NCAM2: variants seen among roughly 807,000 people sequenced by gnomAD.
NCAM2 encodes the protein N-CAM-2.
In NCAM2, 30 loss-of-function variants were observed where a neutral mutation model predicts 98.1. That is an observed-to-expected ratio of 0.31 (90% confidence interval 0.23 to 0.41). The LOEUF (loss-of-function observed/expected upper bound fraction) is 0.41, where lower values mean the gene tolerates loss of function less well. NCAM2 is among the 10% of genes least tolerant of loss of function. The pLI, the probability that NCAM2 is intolerant of heterozygous loss-of-function variation, is 1.00. For synonymous variants in NCAM2, 368 were observed against 342.4 expected (o/e 1.07, Z -0.83); for missense variants, 867 against 1,005.8 (o/e 0.86, Z 1.87).
At chr21:21,329,661 G>T (rs973597824) in intron 6 of NCAM2, among the ~76,000 whole-genome samples, 1 of 152,042 alleles carries the variant, frequency 6.6e-6, no homozygotes, top group African/African-American at 2.4e-5. Flanking sequence ...AGGGGTCAGG[G>T]CATTACTAGT....
intron 1 of NCAM2, among the ~76,000 whole-genome samples, chr21:21,214,389 A>G (rs1393040438): frequency 2.0e-5 from 3 of 152,044 alleles, no homozygotes; most frequent in Admixed American, 2.0e-4. Context: ...AAATTTTGCA[A>G]AGCTTAGTGA....
chr21:21,373,305 A>T (rs2075962021), intron 8 of NCAM2, among the ~76,000 whole-genome samples: 1 of 151,928 alleles, frequency 6.6e-6, no homozygotes. Flanking sequence ...AAAATTATGT[A>T]GTTCAAATAA....
chr21:21,298,422 T>C (rs556474698), intron 5 of NCAM2, among the ~76,000 whole-genome samples: 1 of 151,694 alleles, frequency 6.6e-6, no homozygotes, highest in South Asian at 2.1e-4. Context: ...CAAACCAGAG[T>C]ATTTTATAGT....
chr21:21,324,989 A>G (rs112887179), intron 6 of NCAM2, among the ~76,000 whole-genome samples: 1,990 of 73,500 alleles, frequency 0.027, 42 homozygotes, highest in African/African-American at 0.078. Flanking sequence ...TTTAAAAATT[A>G]CCTCATCAAA....
At chr21:21,017,759 T>G (rs1428883859) in intron 1 of NCAM2, among the ~76,000 whole-genome samples, 1 of 152,146 alleles carries the variant, frequency 6.6e-6, no homozygotes, top group Non-Finnish European at 1.5e-5. Context: ...GCCAGGCACT[T>G]GCATTAACAC....
At chr21:21,264,618 T>C (rs1294967739) in intron 1 of NCAM2, among the ~76,000 whole-genome samples, 1 of 151,412 alleles carries the variant, frequency 6.6e-6, no homozygotes, top group Admixed American at 6.6e-5. Flanking sequence ...TGTTGGATTA[T>C]ATAAATGAAA....
Position 21,273,888 on chromosome 21 carries a change from G to A in NCAM2, c.56-6690G>A, listed in dbSNP as rs528972353. ...AAAGAATCACTAAGAAGTTTAGGCC[G>A]GGTGCGTTGGCTCATGCCTGTAATC... On this transcript the variant is annotated intron_variant, in intron 1 of 17. Coordinates refer to ENST00000400546, the MANE Select transcript of NCAM2 (RefSeq NM_004540.5). 2.6e-5 allele frequency among the ~76,000 whole-genome samples: 4 copies of A among 152,238 alleles called. No homozygotes were observed. The South Asian group carries it at 6.2e-4, about 24-fold the overall frequency.
intron 12 of NCAM2, among the ~76,000 whole-genome samples, chr21:21,460,881 G>A (rs1468791558): frequency 1.3e-5 from 2 of 151,608 alleles, no homozygotes; most frequent in African/African-American, 2.4e-5. Flanking sequence ...CAGCACAGAA[G>A]AGAGAAGAGC....
chr21:21,487,765 T>C (rs892865095), intron 15 of NCAM2, among the ~76,000 whole-genome samples: 1 of 152,120 alleles, frequency 6.6e-6, no homozygotes, highest in Admixed American at 6.5e-5. Context: ...CTATAATTAC[T>C]CATCAGTTCA....
chr21:21,257,680 T>G (rs2071728088), intron 1 of NCAM2, among the ~76,000 whole-genome samples: 1 of 152,040 alleles, frequency 6.6e-6, no homozygotes, highest in Admixed American at 6.6e-5. Context: ...CCTCCCGGGT[T>G]GAAGCAATTC....
chr21:21,052,232 C>T (rs117563997), intron 1 of NCAM2, among the ~76,000 whole-genome samples: 8,861 of 148,566 alleles, frequency 0.06, 276 homozygotes, highest in East Asian at 0.092. Context: ...GGCAACATCT[C>T]GGCCCACTGC....
intron 1 of NCAM2, among the ~76,000 whole-genome samples, chr21:21,123,351 C>G (rs1046008250): frequency 1.3e-5 from 2 of 151,306 alleles, no homozygotes; most frequent in African/African-American, 4.9e-5. Flanking sequence ...GAGTCAAGAT[C>G]GCGCCACTGC....
intron 16 of NCAM2, among the ~76,000 whole-genome samples, chr21:21,518,508 C>T (rs1027182750): frequency 6.6e-6 from 1 of 151,884 alleles, no homozygotes. Flanking sequence ...TAATAATTTT[C>T]TGTACTTTTA....
At chr21:21,492,652 AAAAGT>A (rs1986931146) in intron 15 of NCAM2, among the ~76,000 whole-genome samples, 2 of 151,860 alleles carry the variant, frequency 1.3e-5, no homozygotes, top group Admixed American at 1.3e-4. Context: ...ACTGTCCACT[AAAAGT>A]AAGATATTTT....
At chr21:21,305,140 T>TCCTCTG (rs2073841105) in intron 5 of NCAM2, among the ~76,000 whole-genome samples, 1 of 151,824 alleles carries the variant, frequency 6.6e-6, no homozygotes, top group Non-Finnish European at 1.5e-5. Context: ...CAACATGGTG[T>TCCTCTG]AATCCCGTCT....
intron 16 of NCAM2, among the ~76,000 whole-genome samples, chr21:21,519,727 C>A (rs1182090014): frequency 6.6e-6 from 1 of 151,992 alleles, no homozygotes; most frequent in East Asian, 1.9e-4. Flanking sequence ...CAGATTTCAG[C>A]TCTTTTCAAA....
At chr21:21,381,103 T>G (rs2076144938) in intron 9 of NCAM2, among the ~76,000 whole-genome samples, 1 of 152,226 alleles carries the variant, frequency 6.6e-6, no homozygotes, top group African/African-American at 2.4e-5. Context: ...ACTGTAAATC[T>G]CCTTATAATT....
intron 8 of NCAM2, among the ~76,000 whole-genome samples, chr21:21,369,170 A>G (rs923176785): frequency 3.3e-5 from 5 of 151,322 alleles, no homozygotes; most frequent in African/African-American, 4.9e-5. Context: ...ACTTTTTTGT[A>G]TCTATAGATT....
intron 10 of NCAM2, among the ~76,000 whole-genome samples, chr21:21,413,250 G>A (rs9984068): frequency 0.072 from 10,985 of 152,150 alleles, 439 homozygotes; most frequent in East Asian, 0.15. Flanking sequence ...ATAATATTGT[G>A]CTTTGCATTG....
Sources: gnomAD v4.1 joint callset for allele counts (sites outside exome capture counted in the v4.1 genomes callset) on GRCh38, gnomAD v4.1.1 for gene constraint, MANE v1.5 for transcripts, NCBI Gene and HGNC (gene_info 2026-07-23, HGNC 2026-07-21) for gene names.